The following RPL15 variants were observed in gnomAD, a reference collection of about 807,000 sequenced individuals.
The protein encoded by RPL15 is ribosomal protein L15.
For synonymous variants in RPL15, 97 were observed against 95.1 expected (o/e 1.02, Z -0.12); for missense variants, 161 against 271.8 (o/e 0.59, Z 2.87).
intron 3 of RPL15, 150 bp from the exon 4 acceptor site, chr3:23,919,046 T>G (rs1398277201): frequency 2.6e-5 from 16 of 625,486 alleles, no homozygotes; most frequent in Non-Finnish European, 4.5e-5. Flanking sequence ...ATTACACTTG[T>G]GATAGTCTAG....
Position 23,920,609 on chromosome 3 carries a change from T to A in RPL15, c.*1108T>A, listed in dbSNP as rs1461189894. 1.0e-6 allele frequency: 1 copy of A among 985,110 alleles called. No homozygotes were observed. Among genetic ancestry groups the A allele is most frequent in the East Asian group, 1.1e-4 (1 of 8,824 alleles). 61.0% of individuals were successfully genotyped at this position (985,110 alleles called of 1,614,324 possible). A position where few individuals can be genotyped will look rare whatever the true frequency, so the allele number is the denominator to read the frequency against. On this transcript the variant is annotated 3_prime_UTR_variant, in exon 4 of 4. Transcript: ENST00000307839. ...AATGTAGACAAGGAATTGCCCAATTTTAAATTCTGACTTTGCTGACTTAAT... is the reference window on the plus strand; with the variant it reads ...AATGTAGACAAGGAATTGCCCAATTATAAATTCTGACTTTGCTGACTTAAT...
In RPL15 at chr3:23,920,687, A is replaced by T. The variant is rs1428323169; in HGVS notation, c.*1186A>T. On this transcript the variant is annotated 3_prime_UTR_variant, in exon 4 of 4. Coordinates refer to ENST00000307839, the MANE Select transcript of RPL15 (RefSeq NM_002948.5). ...TCCTATCTTCTCTAGGGGTTTCAAA[A>T]GACTCAGTTAATTGATTTCCAGGAA... 5.1e-6 allele frequency: 5 copies of T among 985,172 alleles called. No individual in the cohort carries two copies. Among genetic ancestry groups the T allele is most frequent in the Non-Finnish European group, 6.0e-6 (5 of 829,820 alleles). The allele number at this position is 985,172 out of a possible 1,614,324, so 61.0% of individuals were successfully genotyped here.
chr3:23,918,416 A>C (rs139041613), intron 2 of RPL15, 24 bp from the exon 3 acceptor site: 3 of 1,607,474 alleles, frequency 1.9e-6, no homozygotes, highest in Non-Finnish European at 2.5e-6. Flanking sequence ...TAAAATCACT[A>C]ATTTCGTGTG....
intron 3 of RPL15, 52 bp from the exon 4 acceptor site, chr3:23,919,144 G>C: frequency 8.0e-7 from 1 of 1,245,714 alleles, no homozygotes; most frequent in South Asian, 1.2e-5. Context: ...TTTCTGACTT[G>C]CTGCTATAGG....
rs1705030853 is a variant in RPL15, at chr3:23,920,708, A to C, written c.*1207A>C. The C allele has an allele frequency of 2.0e-6, 2 of 984,804 alleles. No homozygotes were observed. Among genetic ancestry groups the C allele is most frequent in the Non-Finnish European group, 2.4e-6 (2 of 829,488 alleles). The allele number at this position is 984,804 out of a possible 1,614,324, so 61.0% of individuals were successfully genotyped here. A position where few individuals can be genotyped will look rare whatever the true frequency, so the allele number is the denominator to read the frequency against. ...CAAAAGACTCAGTTAATTGATTTCC[A>C]GGAAGTACTCATAGCAAGTTCATAA... On this transcript the variant is annotated 3_prime_UTR_variant, in exon 4 of 4. Coordinates refer to ENST00000307839, the MANE Select transcript of RPL15 (RefSeq NM_002948.5).
chr3:23,918,194 A>G (rs2125252189), intron 2 of RPL15, 163 bp downstream of exon 2: 1 of 1,002,048 alleles, frequency 1.0e-6, no homozygotes, highest in South Asian at 1.7e-5. Flanking sequence ...TGTTGTCTAA[A>G]GTGGCAAGTG....
chr3:23,918,182 A>G (rs1704783659), intron 2 of RPL15, 151 bp downstream of exon 2: 3 of 1,052,798 alleles, frequency 2.8e-6, no homozygotes, highest in South Asian at 3.3e-5. Context: ...TACTGTATGC[A>G]CTGTTGTCTA....
chr3:23,919,354 C>T lies in RPL15; in HGVS notation c.468C>T (p.His156=), dbSNP rs757540488. Residue 156 remains histidine, a synonymous_variant, in exon 4 of 4, where the codon CAC becomes CAT. Transcript: ENST00000307839. ...PDTQWITKPV[H]KHREMRGLTS... ...CCCAGTGGATCACCAAACCAGTCCA[C>T]AAGCACAGGGAGATGCGTGGGCTGA... 9 of 1,602,740 alleles carry T rather than the reference C, an allele frequency of 5.6e-6. No individual in the cohort carries two copies. The highest frequency in any genetic ancestry group is 3.4e-6 in the Non-Finnish European group (4 of 1,179,864).
At chr3:23,919,058 G>A in intron 3 of RPL15, 138 bp from the exon 4 acceptor site, 2 of 641,482 alleles carry the variant, frequency 3.1e-6, no homozygotes, top group Non-Finnish European at 5.5e-6. Context: ...ATAGTCTAGG[G>A]AGAAATGCTT....
chr3:23,918,935 C>G, intron 3 of RPL15: 1 of 527,848 alleles, frequency 1.9e-6, no homozygotes. Context: ...ATTTTGTTAC[C>G]CAGATATTAA....
At position 23,919,322 on chromosome 3, in the gene RPL15, C is replaced by A. The variant is rs1340337879; in HGVS notation, c.436C>A (p.Pro146Thr). 1 of 1,603,846 alleles carries A rather than the reference C, an allele frequency of 6.2e-7. No homozygotes were observed. Among genetic ancestry groups the A allele is most frequent in the South Asian group, 1.1e-5 (1 of 91,052 alleles). ...DPFHKAIRRN[P>T]DTQWITKPVH... ...ATTCCATAAAGCTATCAGAAGAAAT[C>A]CTGACACCCAGTGGATCACCAAACC... The change falls in exon 4 of 4, where the codon CCT (proline) becomes ACT (threonine). Residue 146 changes from proline to threonine, a missense_variant. Coordinates refer to ENST00000307839, the MANE Select transcript of RPL15 (RefSeq NM_002948.5).
At chr3:23,923,099 T>C (rs9853532), downstream of RPL15, 114,265 of 152,116 alleles carry the variant, frequency 0.75, 43,701 homozygotes, top group African/African-American at 0.88. Context: ...CCACGGTGCC[T>C]GGCCTACATA....
In RPL15 at chr3:23,920,604, C is replaced by T; in HGVS notation, c.*1103C>T. 1.0e-6 allele frequency: 1 copy of T among 984,892 alleles called. No individual in the cohort carries two copies. The highest frequency in any genetic ancestry group is 1.2e-6 in the Non-Finnish European group (1 of 829,526). 61.0% of individuals were successfully genotyped at this position (984,892 alleles called of 1,614,324 possible). On this transcript the variant is annotated 3_prime_UTR_variant, in exon 4 of 4. Transcript: ENST00000307839. The stretch of plus-strand genomic sequence containing the variant: ...AAGAAAATGTAGACAAGGAATTGCC[C>T]AATTTTAAATTCTGACTTTGCTGAC...
intron 1 of RPL15, 67 bp from the exon 2 acceptor site, chr3:23,917,783 T>G: frequency 3.4e-6 from 5 of 1,462,778 alleles, no homozygotes; most frequent in Non-Finnish European, 4.6e-6. Flanking sequence ...GGAACTAAGA[T>G]GGACGGATAC....
chr3:23,919,569 T>G lies in RPL15; in HGVS notation c.*68T>G. On this transcript the variant is annotated 3_prime_UTR_variant, in exon 4 of 4. Coordinates refer to ENST00000307839, the MANE Select transcript of RPL15 (RefSeq NM_002948.5). ...GGACAGTCATGTCTGCTTACAGGTGTTATTTGTCTGTTAAAACTAGTCTGC... is the reference window on the plus strand; with the variant it reads ...GGACAGTCATGTCTGCTTACAGGTGGTATTTGTCTGTTAAAACTAGTCTGC... The G allele has an allele frequency of 7.0e-7, 1 of 1,437,318 alleles. No individual in the cohort carries two copies. The highest frequency in any genetic ancestry group is 9.1e-7 in the Non-Finnish European group (1 of 1,099,918). 89.0% of individuals were successfully genotyped at this position (1,437,318 alleles called of 1,614,324 possible).
chr3:23,921,582 T>TTC, downstream of RPL15: 2 of 676,970 alleles, frequency 3.0e-6, no homozygotes, highest in Non-Finnish European at 5.3e-6. Flanking sequence ...TTTTTTTTTT[T>TTC]TTTTTTTTTT....
downstream of RPL15, chr3:23,921,719 C>T (rs961205352): frequency 5.9e-5 from 38 of 644,680 alleles, no homozygotes; most frequent in African/African-American, 1.7e-4. Context: ...GGACTACAGG[C>T]GCACACTGCC....
In RPL15 at chr3:23,918,546, G is replaced by A. The variant is rs1176461137; in HGVS notation, c.279G>A (p.Lys93=). The change falls in exon 3 of 4, where the codon AAG becomes AAA. Residue 93 remains lysine (K), a synonymous_variant. Coordinates refer to ENST00000307839, the MANE Select transcript of RPL15 (RefSeq NM_002948.5). ...TCCATCATGGTGTTAACCAGCTAAAGTTTGCTCGAAGCCTTCAGTCCGTTG... is the reference window on the plus strand; with the variant it reads ...TCCATCATGGTGTTAACCAGCTAAAATTTGCTCGAAGCCTTCAGTCCGTTG... ...KPVHHGVNQL[K]FARSLQSVAE... is the part of the protein sequence containing the mutation. 1.2e-6 allele frequency: 2 copies of A among 1,614,036 alleles called. No homozygotes were observed. The highest frequency in any genetic ancestry group is 2.2e-5 in the South Asian group (2 of 91,074).
downstream of RPL15, chr3:23,922,278 G>C (rs1381832262): frequency 6.6e-6 from 1 of 152,232 alleles, no homozygotes; most frequent in Non-Finnish European, 1.5e-5. This position sits in a 1 kb window ranked among gnomAD's most constrained non-coding sequence, Gnocchi z 4.2. Context: ...AATCCCAAAA[G>C]GTGCAGTTAC....
Sources: gnomAD v4.1 joint callset for allele counts on GRCh38, gnomAD v4.1.1 for gene constraint, Gnocchi (gnomAD v3.1) non-coding constraint, MANE v1.5 for transcripts, NCBI Gene and HGNC (gene_info 2026-07-23, HGNC 2026-07-21) for gene names.